Variants in ANK3 observed in about 807,000 individuals in gnomAD.
ANK3 encodes the protein ankyrin-3.
ANK3 carries 57 observed loss-of-function variants against 370.9 expected under a neutral mutation model. That is an observed-to-expected ratio of 0.15 (90% CI 0.12 to 0.19). The LOEUF is 0.19. Ranked by LOEUF, ANK3 falls within the 10% of genes least tolerant of loss-of-function variation. The probability of loss-of-function intolerance (pLI) is 1.00; values close to 1 mark genes in which losing one functional copy is unlikely to be tolerated. For missense variants in ANK3, 4,439 were observed against 5,302.1 expected, an observed-to-expected ratio of 0.84 and a Z score of 5.06; for synonymous variants, 1,929 against 1,946.3, an observed-to-expected ratio of 0.99 and a Z score of 0.23.
intron 4 of ANK3, among the ~76,000 whole-genome samples, chr10:60,272,882 G>A (rs1257215994): frequency 6.6e-6 from 1 of 152,090 alleles, no homozygotes; most frequent in African/African-American, 2.4e-5. Context: ...TGTTGGGGTG[G>A]AGGTCTGCTG....
At chr10:60,121,813 A>T (rs1003611225) in intron 25 of ANK3, among the ~76,000 whole-genome samples, 1 of 152,248 alleles carries the variant, frequency 6.6e-6, no homozygotes, top group African/African-American at 2.4e-5. Flanking sequence ...TGTTTGTAGC[A>T]CAAAGGACAA....
chr10:60,355,188 T>G (rs1252987170), intron 1 of ANK3, among the ~76,000 whole-genome samples: 1 of 152,238 alleles, frequency 6.6e-6, no homozygotes, highest in Non-Finnish European at 1.5e-5. Context: ...GTATTGCTAA[T>G]TTTTTCTTTC....
At chr10:60,196,277 A>G (rs532859291) in intron 15 of ANK3, 34 bp from the exon 16 acceptor site, 1 of 1,582,698 alleles carries the variant, frequency 6.3e-7, no homozygotes, top group Admixed American at 1.7e-5. Context: ...AACCAGTGTC[A>G]AAGGTGTCTT....
In ANK3 at chr10:60,068,708, T is replaced by C; in HGVS notation, c.12173A>G (p.Lys4058Arg). 1 of 1,614,126 alleles carries C rather than the reference T, an allele frequency of 6.2e-7. No homozygotes were observed. Among genetic ancestry groups the C allele is most frequent in the Non-Finnish European group, 8.5e-7 (1 of 1,179,978 alleles). Residue 4058 changes from lysine (K) to arginine (R), a missense_variant, in exon 37 of 44, where the codon AAA (lysine) becomes AGA (arginine). By Grantham distance (26) the Lys-to-Arg change is conservative (BLOSUM62 2). This residue lies in a region of ANK3 where 496 missense variants were observed against 529.3 expected (regional missense o/e 0.94). Coordinates refer to ENST00000280772, the MANE Select transcript of ANK3 (RefSeq NM_020987.5). ...TGATTTTAAAGGTGCTGCCTCTGTT[T>C]TCTTATCTCTAGCAGACTTCGTTGT... ...SVTTKSARDK[K>R]TEAAPLKSKS...
intron 2 of ANK3, among the ~76,000 whole-genome samples, chr10:60,482,395 T>A (rs2075245708): frequency 1.3e-5 from 2 of 152,176 alleles, no homozygotes. Flanking sequence ...AGTTTCTCCT[T>A]CAGCTAATCT....
intron 35 of ANK3, among the ~76,000 whole-genome samples, chr10:60,081,072 C>CT (rs898340431): frequency 9.3e-5 from 14 of 151,238 alleles, no homozygotes; most frequent in South Asian, 2.1e-4. Context: ...GTTAGAAGTA[C>CT]TTTTTTTTTG....
At chr10:60,376,521 C>T (rs10994322) in intron 1 of ANK3, among the ~76,000 whole-genome samples, 15,046 of 152,100 alleles carry the variant, frequency 0.099, 1,102 homozygotes, top group East Asian at 0.26. Context: ...TACAGCCTGC[C>T]GCTGAAGACA....
chr10:60,370,420 C>T (rs1036577072), intron 1 of ANK3, among the ~76,000 whole-genome samples: 11 of 151,944 alleles, frequency 7.2e-5, no homozygotes, highest in Non-Finnish European at 1.3e-4. Flanking sequence ...TTTTAAAAAT[C>T]GCTATGAATA....
chr10:60,671,904 A>G (rs1179772372), intron 1 of ANK3, among the ~76,000 whole-genome samples: 1 of 152,182 alleles, frequency 6.6e-6, no homozygotes, highest in African/African-American at 2.4e-5. Context: ...AGGCTTACAA[A>G]CAAGCTTCTC....
At chr10:60,459,321 C>A (rs1348890445) in intron 2 of ANK3, among the ~76,000 whole-genome samples, 3 of 152,098 alleles carry the variant, frequency 2.0e-5, no homozygotes, top group Non-Finnish European at 4.4e-5. Context: ...GTCTCATTCA[C>A]CATATTTCTC....
intron 33 of ANK3, 145 bp from the exon 34 acceptor site, chr10:60,082,882 G>T: frequency 1.1e-6 from 1 of 946,280 alleles, no homozygotes; most frequent in Middle Eastern, 3.3e-4. Context: ...CGATTATGCA[G>T]CAACCGGGGT....
intron 8 of ANK3, among the ~76,000 whole-genome samples, chr10:60,220,763 C>T (rs918468598): frequency 2.0e-5 from 3 of 152,154 alleles, no homozygotes; most frequent in Admixed American, 2.0e-4. Flanking sequence ...ACCCGAACCA[C>T]CTTGGGCACA....
chr10:60,686,629 A>T (rs781530730), intron 1 of ANK3, among the ~76,000 whole-genome samples: 1 of 152,194 alleles, frequency 6.6e-6, no homozygotes, highest in Non-Finnish European at 1.5e-5. Flanking sequence ...TAACAACTGT[A>T]GGTATTATTA....
intron 2 of ANK3, among the ~76,000 whole-genome samples, chr10:60,584,604 A>C (rs1377893154): frequency 6.6e-6 from 1 of 152,088 alleles, no homozygotes; most frequent in Non-Finnish European, 1.5e-5. Flanking sequence ...GCAATAGAGC[A>C]AGACCCCATC....
At chr10:60,567,176 G>A (rs2077483319) in intron 2 of ANK3, among the ~76,000 whole-genome samples, 1 of 152,198 alleles carries the variant, frequency 6.6e-6, no homozygotes, top group African/African-American at 2.4e-5. Flanking sequence ...GCCCTATACT[G>A]TAGTGGGAGA....
At chr10:60,053,752 G>A (rs919091043) in intron 42 of ANK3, 29 of 1,303,226 alleles carry the variant, frequency 2.2e-5, no homozygotes, top group Non-Finnish European at 2.8e-5. Context: ...GATAAAAAGG[G>A]GGCTGTTTTC....
At chr10:60,304,918 G>A (rs539082502) in intron 1 of ANK3, among the ~76,000 whole-genome samples, 2 of 152,238 alleles carry the variant, frequency 1.3e-5, no homozygotes, top group South Asian at 4.2e-4. Context: ...GGGAGGCCTG[G>A]AAAACCATCA....
At chr10:60,328,206 A>G (rs1199506950) in intron 1 of ANK3, among the ~76,000 whole-genome samples, 1 of 152,210 alleles carries the variant, frequency 6.6e-6, no homozygotes, top group African/African-American at 2.4e-5. Context: ...AAGCAAATAC[A>G]ACAAGAAATA....
intron 1 of ANK3, among the ~76,000 whole-genome samples, chr10:60,678,327 G>A (rs565456790): frequency 1.3e-5 from 2 of 152,248 alleles, no homozygotes; most frequent in Admixed American, 1.3e-4. Flanking sequence ...TAGGAAAAAG[G>A]AGAAAAACAA....
Sources: allele counts gnomAD v4.1 joint callset (sites outside exome capture counted in the v4.1 genomes callset), GRCh38; gene constraint gnomAD v4.1.1; regional missense constraint gnomAD v4.1.1; transcripts MANE v1.5; gene names NCBI Gene and HGNC (gene_info 2026-07-23, HGNC 2026-07-21).